The following LTV1 variants were observed in gnomAD, a reference collection of about 807,000 sequenced individuals.
The protein encoded by LTV1 is LTV1 ribosome biogenesis factor.
LTV1 carries 39 observed loss-of-function variants against 59.9 expected under a neutral mutation model. That is an observed-to-expected ratio of 0.65 (90% CI 0.50 to 0.85). LTV1 has a LOEUF of 0.85. LTV1 is among the 40% of genes least tolerant of loss of function. The pLI is 0.00. For synonymous variants in LTV1, 171 were observed against 189.5 expected (o/e 0.90, Z 0.80); for missense variants, 493 against 549.1 (o/e 0.90, Z 1.02).
chr6:143,856,544 G>A (rs917494417), intron 4 of LTV1, among the ~76,000 whole-genome samples: 1 of 152,152 alleles, frequency 6.6e-6, no homozygotes, highest in Non-Finnish European at 1.5e-5. Flanking sequence ...CAGCCTTTTT[G>A]TGCTGGTTTT....
At position 143,862,218 on chromosome 6, in the gene LTV1, G is replaced by C; in HGVS notation, c.1038G>C (p.Glu346Asp). ...MITVVLEEAKEKWDCESICST... is the reference protein window; with the variant it reads ...MITVVLEEAKDKWDCESICST... ...CTGTAGTCCTTGAAGAAGCCAAAGA[G>C]AAGTGGGATTGTGAATCTATTTGTA... Residue 346 changes from glutamate (E) to aspartate (D), a missense_variant, in exon 8 of 11, where the codon GAG (glutamate) becomes GAC (aspartate). Transcript: ENST00000367576. This position sits in a 1 kb window ranked among gnomAD's most constrained non-coding sequence, Gnocchi z 4.2. 6.2e-7 allele frequency: 1 copy of C among 1,613,296 alleles called. No homozygotes were observed. Among genetic ancestry groups the C allele is most frequent in the Non-Finnish European group, 8.5e-7 (1 of 1,179,290 alleles).
chr6:143,861,238 AGTTTT>A (rs1003806642), intron 7 of LTV1, among the ~76,000 whole-genome samples: 3 of 151,866 alleles, frequency 2.0e-5, no homozygotes, highest in East Asian at 1.9e-4. Context: ...TTTGCTTAAA[AGTTTT>A]GTTTTGATAG....
chr6:143,862,305 G>A lies in LTV1; in HGVS notation c.1063+62G>A, dbSNP rs959032419. On this transcript the variant is annotated intron_variant, in intron 8 of 10. Transcript: ENST00000367576. This position sits in a 1 kb window ranked among gnomAD's most constrained non-coding sequence, Gnocchi z 4.2. The stretch of plus-strand genomic sequence containing the variant: ...ATTAAAGTATATCAACTTTAGGCTG[G>A]GTGCGGTGCCTCACGCCTGTAGTAA... 35 of 1,479,642 alleles carry A rather than the reference G, an allele frequency of 2.4e-5. No individual in the cohort carries two copies. In the African/African-American group the frequency reaches 4.4e-4, roughly 18 times the overall value. The allele number at this position is 1,479,642 out of a possible 1,614,324, so 91.7% of individuals were successfully genotyped here. A position where few individuals can be genotyped will look rare whatever the true frequency, so the allele number is the denominator to read the frequency against.
chr6:143,850,034 T>G, intron 3 of LTV1, 97 bp from the exon 4 acceptor site: 1 of 873,574 alleles, frequency 1.1e-6, no homozygotes, highest in Non-Finnish European at 1.9e-6. Flanking sequence ...AGTCTAAGGT[T>G]CTGGATGGAC....
At chr6:143,847,857 A>G (rs1776918825) in intron 3 of LTV1, among the ~76,000 whole-genome samples, 2 of 152,168 alleles carry the variant, frequency 1.3e-5, no homozygotes, top group Non-Finnish European at 1.5e-5. Context: ...TACTTTTTTT[A>G]CTTTAATTTG....
At chr6:143,852,144 G>A (rs929340029) in intron 4 of LTV1, among the ~76,000 whole-genome samples, 6 of 152,130 alleles carry the variant, frequency 3.9e-5, no homozygotes, top group African/African-American at 9.7e-5. Flanking sequence ...TTGAGGAATC[G>A]CCACACTGTC....
intron 4 of LTV1, among the ~76,000 whole-genome samples, chr6:143,852,836 C>G (rs1203125672): frequency 6.6e-6 from 1 of 152,120 alleles, no homozygotes. Flanking sequence ...ATCCTTTCCC[C>G]ATTGCTTGTT....
chr6:143,863,073 A>T lies in LTV1; in HGVS notation c.1117-13A>T. 6.2e-7 allele frequency: 1 copy of T among 1,605,318 alleles called. No homozygotes were observed. The stretch of plus-strand genomic sequence containing the variant: ...TGAGAAGTAACTCTAGTACCATTTT[A>T]TCTGTATTTCAGCCCAAACAAATTC... On this transcript the variant is annotated splice_polypyrimidine_tract_variant and intron_variant, in intron 9 of 10. Coordinates refer to ENST00000367576, the MANE Select transcript of LTV1 (RefSeq NM_032860.5). The surrounding 1 kb of genome is among the most constrained non-coding windows in gnomAD (Gnocchi z 4.5).
intron 7 of LTV1, among the ~76,000 whole-genome samples, chr6:143,861,167 G>A (rs1213440231): frequency 2.6e-5 from 4 of 152,066 alleles, no homozygotes; most frequent in Admixed American, 2.6e-4. Context: ...AAAGTGCTGG[G>A]ATTATAGGTC....
chr6:143,859,701 A>T (rs1333871658), intron 6 of LTV1, among the ~76,000 whole-genome samples: 1 of 152,236 alleles, frequency 6.6e-6, no homozygotes, highest in African/African-American at 2.4e-5. Flanking sequence ...AACAGTGTCA[A>T]CACCATTTGC....
chr6:143,846,997 TG>T (rs1242515919), intron 3 of LTV1, among the ~76,000 whole-genome samples: 1 of 152,320 alleles, frequency 6.6e-6, no homozygotes, highest in Admixed American at 6.5e-5. Context: ...TTCCTTTCCT[TG>T]GGGAAGATGT....
rs1777175867 is a variant in LTV1, at chr6:143,862,163, T to C, written c.983T>C (p.Leu328Pro). ...GATCAAGACCTGCCAATGAATGAGC[T>C]TGATGAGTCTGAGGAGGAAGAAATG... ...LEDQDLPMNE[L>P]DESEEEEMIT... The change falls in exon 8 of 11, where the codon CTT becomes CCT. Residue 328 changes from leucine to proline, a missense_variant. Leu to Pro is a moderately conservative substitution (Grantham distance 98). Transcript: ENST00000367576. The surrounding 1 kb of genome is among the most constrained non-coding windows in gnomAD (Gnocchi z 4.2). 1 of 1,613,830 alleles carries C rather than the reference T, an allele frequency of 6.2e-7. No individual in the cohort carries two copies.
Position 143,848,415 on chromosome 6 carries a change from GCTA to G in LTV1, c.310-1713_310-1711del, listed in dbSNP as rs544776585. On this transcript the variant is annotated intron_variant, in intron 3 of 10. Transcript: ENST00000367576. ...AAATAACATCTTTGCCCATGTTTGT[GCTA>G]CTGAGAAACTCATTTTGGAAGCCAT... 1.8e-3 allele frequency among the ~76,000 whole-genome samples: 280 copies of G among 152,284 alleles called. 3 individuals are homozygous for G. Among genetic ancestry groups the G allele is most frequent in the Middle Eastern group, 3.4e-3 (1 of 294 alleles).
chr6:143,844,089 G>C (rs1014647965), intron 1 of LTV1, among the ~76,000 whole-genome samples: 9 of 152,244 alleles, frequency 5.9e-5, no homozygotes, highest in East Asian at 1.9e-4. Context: ...GTTGTGGCAG[G>C]CTTCTTGTCA....
chr6:143,862,937 A>C lies in LTV1; in HGVS notation c.1116+41A>C, dbSNP rs1478644248. 3.3e-6 allele frequency: 5 copies of C among 1,509,496 alleles called. No individual in the cohort carries two copies. The highest frequency in any genetic ancestry group is 4.6e-6 in the Non-Finnish European group (5 of 1,085,742). 93.5% of individuals were successfully genotyped at this position (1,509,496 alleles called of 1,614,324 possible). ...CTGAGCTATTTGAAGGATGCAGTGCATAAAAAATAGAGTGCACATTTTCGC... is the reference window on the plus strand; with the variant it reads ...CTGAGCTATTTGAAGGATGCAGTGCCTAAAAAATAGAGTGCACATTTTCGC... On this transcript the variant is annotated intron_variant, in intron 9 of 10. Transcript: ENST00000367576. The surrounding 1 kb of genome is among the most constrained non-coding windows in gnomAD (Gnocchi z 4.2).
intron 1 of LTV1, 63 bp downstream of exon 1, chr6:143,843,543 C>A: frequency 6.2e-7 from 1 of 1,606,566 alleles, no homozygotes. Context: ...CAGGCTGCTT[C>A]CGGTAATACC....
At chr6:143,860,650 A>G in intron 7 of LTV1, 97 bp downstream of exon 7, 1 of 1,044,630 alleles carries the variant, frequency 9.6e-7, no homozygotes, top group Non-Finnish European at 1.3e-6. Context: ...TGAGGAAAAA[A>G]TTAACCTAGT....
intron 2 of LTV1, among the ~76,000 whole-genome samples, chr6:143,845,145 G>A (rs1776871082): frequency 6.6e-6 from 1 of 152,030 alleles, no homozygotes; most frequent in African/African-American, 2.4e-5. Context: ...TAAAATATCT[G>A]AGCTCCTTGG....
intron 2 of LTV1, 37 bp downstream of exon 2, chr6:143,844,654 G>A: frequency 6.4e-7 from 1 of 1,552,380 alleles, no homozygotes. Context: ...TTTGTAGGTA[G>A]ACAATAGTTT....
Sources: gnomAD v4.1 joint callset for allele counts (sites outside exome capture counted in the v4.1 genomes callset) on GRCh38, gnomAD v4.1.1 for gene constraint, Gnocchi (gnomAD v3.1) non-coding constraint, MANE v1.5 for transcripts, NCBI Gene and HGNC (gene_info 2026-07-23, HGNC 2026-07-21) for gene names.